The following DLGAP2 variants were observed in gnomAD, a reference collection of about 807,000 sequenced individuals.
DLGAP2 encodes disks large-associated protein 2.
Under a neutral mutation model 100.3 loss-of-function variants are expected in DLGAP2, and 26 were observed. The ratio of observed to expected loss-of-function variants is 0.26; its 90% CI spans 0.19 to 0.36. The LOEUF is 0.36. DLGAP2 is among the 10% of genes least tolerant of loss of function. The pLI is 1.00. For synonymous variants in DLGAP2, 886 were observed against 630.1 expected (o/e 1.41, Z -6.08); for missense variants, 1,858 against 1,453.2 (o/e 1.28, Z -4.53).
chr8:1,576,843 T>C (rs1803000793), intron 6 of DLGAP2, among the ~76,000 whole-genome samples: 1 of 152,176 alleles, frequency 6.6e-6, no homozygotes, highest in Non-Finnish European at 1.5e-5. Flanking sequence ...TTGGTACCAG[T>C]ACAAGGTAAT....
At chr8:890,399 GT>G (rs1014903594) in intron 1 of DLGAP2, among the ~76,000 whole-genome samples, 8 of 152,074 alleles carry the variant, frequency 5.3e-5, no homozygotes, top group Admixed American at 2.6e-4. Flanking sequence ...ACCATGGAAC[GT>G]TTTTTTTCCC....
intron 3 of DLGAP2, among the ~76,000 whole-genome samples, chr8:1,269,765 A>G (rs2116927055): frequency 6.6e-6 from 1 of 152,280 alleles, no homozygotes; most frequent in East Asian, 1.9e-4. Context: ...AGAAATAAGC[A>G]AAAAAGGCTG....
chr8:1,638,295 C>G (rs1275817475), intron 8 of DLGAP2, among the ~76,000 whole-genome samples: 1 of 152,138 alleles, frequency 6.6e-6, no homozygotes, highest in Non-Finnish European at 1.5e-5. Flanking sequence ...GGGCCCAAAT[C>G]CAATCTGTCC....
At chr8:1,124,247 A>G (rs1796114627) in intron 2 of DLGAP2, among the ~76,000 whole-genome samples, 3 of 152,194 alleles carry the variant, frequency 2.0e-5, no homozygotes, top group African/African-American at 7.2e-5. Flanking sequence ...CAGGGAGAGG[A>G]CCATGGGCTA....
intron 2 of DLGAP2, among the ~76,000 whole-genome samples, chr8:1,073,387 A>G (rs59649501): frequency 0.062 from 9,357 of 152,134 alleles, 967 homozygotes; most frequent in African/African-American, 0.21. Flanking sequence ...TCACTCTGAA[A>G]TTTTTTTTAA....
At chr8:782,273 A>G (rs753547641) in intron 1 of DLGAP2, among the ~76,000 whole-genome samples, 4 of 152,104 alleles carry the variant, frequency 2.6e-5, no homozygotes, top group Admixed American at 2.6e-4. Context: ...TGTCCTACTC[A>G]TTAGAATTCC....
rs539701585 is a variant in DLGAP2, at chr8:1,045,917, T to G, written c.73+137951T>G. ...AATGTTGACTCCCAGACCTGCCGTT[T>G]GTAATCAAGTTTAACGGGGCTTGGG... On this transcript the variant is annotated intron_variant, in intron 2 of 14. Coordinates refer to ENST00000637795, the MANE Select transcript of DLGAP2 (RefSeq NM_001346810.2). Among the ~76,000 whole-genome samples, 255 of 152,316 alleles carry G rather than the reference T, an allele frequency of 1.7e-3. 1 individual carries two copies. Among genetic ancestry groups the G allele is most frequent in the Non-Finnish European group, 2.9e-3 (195 of 68,030 alleles).
intron 2 of DLGAP2, among the ~76,000 whole-genome samples, chr8:914,181 C>T (rs1479147601): frequency 6.6e-6 from 1 of 152,214 alleles, no homozygotes; most frequent in Non-Finnish European, 1.5e-5. Context: ...CGATGTGATT[C>T]ACGCAGTGAG....
intron 2 of DLGAP2, among the ~76,000 whole-genome samples, chr8:965,702 C>T (rs1584930710): frequency 7.0e-6 from 1 of 142,432 alleles, no homozygotes; most frequent in East Asian, 2.1e-4. Flanking sequence ...CACACGGCTC[C>T]TGAGCCCAAC....
At chr8:1,451,331 C>T (rs376269834) in intron 3 of DLGAP2, among the ~76,000 whole-genome samples, 1 of 152,138 alleles carries the variant, frequency 6.6e-6, no homozygotes, top group African/African-American at 2.4e-5. Flanking sequence ...CCAAGGCCGG[C>T]ACCCCTTTCC....
chr8:1,439,687 A>ATG (rs1797771497), intron 3 of DLGAP2, among the ~76,000 whole-genome samples: 1 of 152,098 alleles, frequency 6.6e-6, no homozygotes, highest in African/African-American at 2.4e-5. Context: ...CGTGAGCAGT[A>ATG]TGTCTCCTGC....
chr8:1,624,575 G>T (rs188607204), intron 6 of DLGAP2, among the ~76,000 whole-genome samples: 6 of 151,964 alleles, frequency 3.9e-5, no homozygotes, highest in Admixed American at 1.3e-4. Context: ...TTGCCGCTCT[G>T]TTGAACCCAT....
At position 1,704,173 on chromosome 8, in the gene DLGAP2, C is replaced by G. The variant is rs1008375890; in HGVS notation, c.*2767C>G. 6.6e-6 allele frequency: 1 copy of G among 152,544 alleles called. No homozygotes were observed. 9.4% of individuals were successfully genotyped at this position (152,544 alleles called of 1,614,324 possible). ...CTAGCAGATCATGCCATGGAGCTCA[C>G]GACGTGTGACCATTTCGTCATATTT... On this transcript the variant is annotated 3_prime_UTR_variant, in exon 15 of 15. Transcript: ENST00000637795.
At chr8:906,198 T>G (rs1241442169) in intron 1 of DLGAP2, among the ~76,000 whole-genome samples, 3 of 152,218 alleles carry the variant, frequency 2.0e-5, no homozygotes, top group African/African-American at 7.2e-5. Context: ...TTAGGTGGTG[T>G]CTGCAGCTGA....
chr8:820,721 G>T (rs948099866), intron 1 of DLGAP2, among the ~76,000 whole-genome samples: 4 of 152,158 alleles, frequency 2.6e-5, no homozygotes, highest in African/African-American at 9.7e-5. Flanking sequence ...ATTCTGTCTA[G>T]AAACCTATCT....
intron 3 of DLGAP2, among the ~76,000 whole-genome samples, chr8:1,359,541 G>T (rs1801931622): frequency 6.6e-6 from 1 of 152,258 alleles, no homozygotes. Context: ...CCACCCGAAG[G>T]CCTGGAGGGA....
chr8:1,149,625 T>G (rs559095637), intron 2 of DLGAP2, among the ~76,000 whole-genome samples: 1 of 152,372 alleles, frequency 6.6e-6, no homozygotes, highest in East Asian at 1.9e-4. Flanking sequence ...TATAGTTGTT[T>G]CTATTTTCAT....
intron 2 of DLGAP2, among the ~76,000 whole-genome samples, chr8:1,159,239 A>G (rs1796846393): frequency 6.6e-6 from 1 of 152,232 alleles, no homozygotes; most frequent in African/African-American, 2.4e-5. Context: ...TTCTTGTTCC[A>G]TCTATGAAAT....
intron 2 of DLGAP2, among the ~76,000 whole-genome samples, chr8:1,113,696 A>G (rs1041090866): frequency 2.0e-5 from 3 of 151,714 alleles, no homozygotes; most frequent in African/African-American, 4.8e-5. Flanking sequence ...TATTTTTTCT[A>G]TTGCCTGATT....
Sources: gnomAD v4.1 joint callset for allele counts (sites outside exome capture counted in the v4.1 genomes callset) on GRCh38, gnomAD v4.1.1 for gene constraint, MANE v1.5 for transcripts, NCBI Gene and HGNC (gene_info 2026-07-23, HGNC 2026-07-21) for gene names.